Variants in SLC10A7 observed in about 807,000 individuals in gnomAD.
SLC10A7 encodes the protein sodium/bile acid cotransporter 7.
In SLC10A7, 29 loss-of-function variants were observed where a neutral mutation model predicts 43.2. The observed-to-expected ratio is 0.67, with a 90% CI of 0.50 to 0.92. The LOEUF is 0.92. SLC10A7 is among the 40% of genes least tolerant of loss of function. SLC10A7 has a pLI of 0.00. For missense variants in SLC10A7, 295 were observed against 403.2 expected, an observed-to-expected ratio of 0.73 and a Z score of 2.30; for synonymous variants, 152 against 144.8, an observed-to-expected ratio of 1.05 and a Z score of -0.35.
chr4:146,310,162 T>G (rs1366798013), intron 6 of SLC10A7, among the ~76,000 whole-genome samples: 1 of 152,226 alleles, frequency 6.6e-6, no homozygotes, highest in African/African-American at 2.4e-5. Flanking sequence ...TGTTCTTTTT[T>G]TGTGTCTGTG....
chr4:146,279,485 T>C (rs573076229), intron 10 of SLC10A7, among the ~76,000 whole-genome samples: 7 of 152,316 alleles, frequency 4.6e-5, no homozygotes, highest in African/African-American at 1.4e-4. Flanking sequence ...ATCTCTGCTA[T>C]GTAAAATATC....
chr4:146,313,008 G>A (rs936958492), intron 6 of SLC10A7, among the ~76,000 whole-genome samples: 1 of 152,140 alleles, frequency 6.6e-6, no homozygotes, highest in African/African-American at 2.4e-5. Flanking sequence ...AAAGGATTTG[G>A]TCTTGTCAAT....
chr4:146,479,051 G>T (rs71614583), intron 4 of SLC10A7, among the ~76,000 whole-genome samples: 6,339 of 152,150 alleles, frequency 0.042, 201 homozygotes, highest in Non-Finnish European at 0.065. Flanking sequence ...AGCTTAATTT[G>T]TGAACTTTGA....
intron 5 of SLC10A7, among the ~76,000 whole-genome samples, chr4:146,338,951 A>G (rs1310061198): frequency 6.6e-6 from 1 of 151,946 alleles, no homozygotes; most frequent in African/African-American, 2.4e-5. Context: ...CAACAAGACT[A>G]TGGGAGAACA....
intron 5 of SLC10A7, among the ~76,000 whole-genome samples, chr4:146,421,667 T>C (rs1181771437): frequency 6.6e-6 from 1 of 152,168 alleles, no homozygotes; most frequent in Non-Finnish European, 1.5e-5. Flanking sequence ...CATTCATTCA[T>C]TTATTTTTTA....
chr4:146,501,911 C>A (rs905839949), intron 4 of SLC10A7, among the ~76,000 whole-genome samples: 1 of 152,188 alleles, frequency 6.6e-6, no homozygotes, highest in Non-Finnish European at 1.5e-5. Context: ...ATCACGTTTA[C>A]TGTCTCCACT....
chr4:146,409,538 T>C (rs1420521877), intron 5 of SLC10A7, among the ~76,000 whole-genome samples: 2 of 152,124 alleles, frequency 1.3e-5, no homozygotes, highest in Non-Finnish European at 2.9e-5. Flanking sequence ...TACATCTTGA[T>C]TATAGTGGTC....
At chr4:146,471,234 A>G (rs1733542562) in intron 4 of SLC10A7, among the ~76,000 whole-genome samples, 1 of 152,198 alleles carries the variant, frequency 6.6e-6, no homozygotes, top group East Asian at 1.9e-4. Flanking sequence ...TTTTCAGAAC[A>G]GGGATACTGA....
At chr4:146,398,167 G>A (rs1738970694) in intron 5 of SLC10A7, among the ~76,000 whole-genome samples, 1 of 152,090 alleles carries the variant, frequency 6.6e-6, no homozygotes, top group Admixed American at 6.6e-5. Flanking sequence ...ATTCTGTTGT[G>A]TACTAAAAAA....
chr4:146,320,740 AT>A (rs957698197), intron 6 of SLC10A7, among the ~76,000 whole-genome samples: 2 of 151,632 alleles, frequency 1.3e-5, no homozygotes, highest in Non-Finnish European at 3.0e-5. Context: ...AGATGCTAAC[AT>A]TTTTTTTGGA....
At chr4:146,443,465 G>C (rs1472839357) in intron 4 of SLC10A7, among the ~76,000 whole-genome samples, 1 of 152,134 alleles carries the variant, frequency 6.6e-6, no homozygotes, top group Non-Finnish European at 1.5e-5. Flanking sequence ...ACGTAATATA[G>C]CTCTTAATTT....
At chr4:146,476,404 GCAGTATTGACAA>G (rs1354766370) in intron 4 of SLC10A7, among the ~76,000 whole-genome samples, 9 of 152,152 alleles carry the variant, frequency 5.9e-5, no homozygotes, top group Admixed American at 3.9e-4. Flanking sequence ...TAAGTGGTCA[GCAGTATTGACAA>G]CTTCTGAAAG....
At chr4:146,481,566 A>C (rs1279271543) in intron 4 of SLC10A7, among the ~76,000 whole-genome samples, 1 of 152,162 alleles carries the variant, frequency 6.6e-6, no homozygotes, top group African/African-American at 2.4e-5. Context: ...CCTGGGCCTG[A>C]GCCTCTGGAG....
intron 4 of SLC10A7, among the ~76,000 whole-genome samples, chr4:146,444,216 C>T (rs1408185303): frequency 6.6e-6 from 1 of 152,116 alleles, no homozygotes; most frequent in Non-Finnish European, 1.5e-5. Context: ...CACTGGTCCT[C>T]CTTCCTACAA....
At chr4:146,291,528 A>G (rs1730443465) in intron 9 of SLC10A7, among the ~76,000 whole-genome samples, 1 of 152,082 alleles carries the variant, frequency 6.6e-6, no homozygotes, top group African/African-American at 2.4e-5. Flanking sequence ...CCTTGTGGTC[A>G]CTCATTGCTA....
At position 146,515,211 on chromosome 4, in the gene SLC10A7, T is replaced by C. The variant is rs2150054731; in HGVS notation, c.183+1827A>G. On this transcript the variant is annotated intron_variant, in intron 2 of 11. Coordinates refer to ENST00000335472, the MANE Select transcript of SLC10A7 (RefSeq NM_001029998.6). ...TTTCCCATGGCACAAGTAACAGCTGTAGCCATTAAGCAGCCACCAGGGGAC... is the reference window on the plus strand; with the variant it reads ...TTTCCCATGGCACAAGTAACAGCTGCAGCCATTAAGCAGCCACCAGGGGAC... 5 of 701,466 alleles carry C rather than the reference T, an allele frequency of 7.1e-6. No individual in the cohort carries two copies. The East Asian group carries it at 1.1e-4, about 15-fold the overall frequency. 43.5% of individuals were successfully genotyped at this position (701,466 alleles called of 1,614,324 possible).
intron 6 of SLC10A7, among the ~76,000 whole-genome samples, chr4:146,325,476 T>C (rs1023348120): frequency 6.6e-6 from 1 of 152,174 alleles, no homozygotes; most frequent in African/African-American, 2.4e-5. Flanking sequence ...GGCGATAGAA[T>C]GGAGGAGGTG....
chr4:146,383,071 A>G (rs1294071952), intron 5 of SLC10A7, among the ~76,000 whole-genome samples: 1 of 152,100 alleles, frequency 6.6e-6, no homozygotes, highest in Non-Finnish European at 1.5e-5. Flanking sequence ...CTCCTTATCT[A>G]TTGTGACCTG....
At position 146,413,707 on chromosome 4, in the gene SLC10A7, C is replaced by A. The variant is rs78499507; in HGVS notation, c.435+29076G>T. Among the ~76,000 whole-genome samples the A allele has an allele frequency of 2.7e-3, 405 of 152,216 alleles. 12 individuals are homozygous for A. The East Asian group carries it at 0.06, about 22-fold the overall frequency. On this transcript the variant is annotated intron_variant, in intron 5 of 11. Transcript: ENST00000335472. ...TTTCCATTCAAGCTAAGCCATTAAG[C>A]CTATCACCCAGAGTAGGGTAAATAA...
Sources: allele counts gnomAD v4.1 joint callset (sites outside exome capture counted in the v4.1 genomes callset), GRCh38; gene constraint gnomAD v4.1.1; transcripts MANE v1.5; gene names NCBI Gene and HGNC (gene_info 2026-07-23, HGNC 2026-07-21).